The following BRINP1 variants were observed in gnomAD, a reference collection of about 807,000 sequenced individuals.
BRINP1 encodes BMP/retinoic acid-inducible neural-specific protein 1.
BRINP1 carries 17 observed loss-of-function variants against 72.9 expected under a neutral mutation model. That is an observed-to-expected ratio of 0.23 (90% CI 0.16 to 0.35). BRINP1 has a LOEUF of 0.35. Ranked by LOEUF, BRINP1 falls within the 10% of genes least tolerant of loss-of-function variation. BRINP1 has a pLI of 1.00. For missense variants in BRINP1, 850 were observed against 1,001.6 expected (o/e 0.85, Z 2.04); for synonymous variants, 418 against 378.5 (o/e 1.10, Z -1.21).
rs368589451 is a variant in BRINP1 at position 119,305,763 on chromosome 9, G to A, written c.218+7375C>T. On this transcript the variant is annotated intron_variant, in intron 2 of 7. Coordinates refer to ENST00000265922, the MANE Select transcript of BRINP1 (RefSeq NM_014618.3). ...CATCTCTCAAGGCACATGACACTGT[G>A]GTTATTTGCCTTTCAGTCAGTCTCC... 7.9e-5 allele frequency among the ~76,000 whole-genome samples: 12 copies of A among 152,274 alleles called. No individual in the cohort carries two copies. The South Asian group carries it at 1.5e-3, about 18-fold the overall frequency.
chr9:119,174,236 C>G (rs1165341004), intron 7 of BRINP1, among the ~76,000 whole-genome samples: 14 of 150,118 alleles, frequency 9.3e-5, no homozygotes, highest in Admixed American at 7.9e-4. Context: ...GGGCTAATAT[C>G]CAGAATCTAC....
intron 1 of BRINP1, among the ~76,000 whole-genome samples, chr9:119,359,340 C>T (rs909395469): frequency 6.6e-6 from 1 of 152,152 alleles, no homozygotes; most frequent in African/African-American, 2.4e-5. Context: ...GGACTACAGG[C>T]ATATGCCACC....
At chr9:119,290,179 C>T (rs1425133428) in intron 2 of BRINP1, among the ~76,000 whole-genome samples, 5 of 152,140 alleles carry the variant, frequency 3.3e-5, no homozygotes, top group Non-Finnish European at 2.9e-5. Context: ...AAAACTGCAA[C>T]TGAAAAAGGT....
intron 2 of BRINP1, among the ~76,000 whole-genome samples, chr9:119,276,226 A>G (rs2118956827): frequency 6.6e-6 from 1 of 152,322 alleles, no homozygotes; most frequent in Middle Eastern, 3.4e-3. Context: ...AGTATATATC[A>G]TATTTCCTAA....
rs190706608 is a variant in BRINP1 at position 119,264,756 on chromosome 9, C to T, written c.219-15606G>A. On this transcript the variant is annotated intron_variant, in intron 2 of 7. Coordinates refer to ENST00000265922, the MANE Select transcript of BRINP1 (RefSeq NM_014618.3). The stretch of plus-strand genomic sequence containing the variant: ...CTCCATCTCAGCTCACTGCAACCTC[C>T]GCCTCCCGGGTTCAAACAATTCTCT... Among the ~76,000 whole-genome samples the T allele has an allele frequency of 5.3e-5, 8 of 152,272 alleles. No homozygotes were observed. The East Asian group carries it at 1.5e-3, about 29-fold the overall frequency.
At chr9:119,251,852 G>A (rs1830392952) in intron 2 of BRINP1, among the ~76,000 whole-genome samples, 1 of 152,070 alleles carries the variant, frequency 6.6e-6, no homozygotes, top group Non-Finnish European at 1.5e-5. Context: ...CGGGCCCAGG[G>A]ACTCGTTTCT....
chr9:119,256,543 A>G (rs777930209), intron 2 of BRINP1, among the ~76,000 whole-genome samples: 3 of 152,246 alleles, frequency 2.0e-5, no homozygotes, highest in Non-Finnish European at 2.9e-5. Context: ...TGGAAGAGTT[A>G]GATGAAATAA....
intron 2 of BRINP1, among the ~76,000 whole-genome samples, chr9:119,254,745 G>T (rs1459049120): frequency 6.6e-6 from 1 of 152,184 alleles, no homozygotes; most frequent in East Asian, 1.9e-4. Flanking sequence ...TTCAGCCACA[G>T]GTACCTGTTG....
chr9:119,348,343 GTTTAT>G (rs1831469507), intron 1 of BRINP1, among the ~76,000 whole-genome samples: 1 of 152,150 alleles, frequency 6.6e-6, no homozygotes, highest in African/African-American at 2.4e-5. Flanking sequence ...AGATATCACA[GTTTAT>G]CAGTTTACCT....
chr9:119,331,873 C>A (rs934602146), intron 1 of BRINP1, among the ~76,000 whole-genome samples: 1 of 152,164 alleles, frequency 6.6e-6, no homozygotes, highest in East Asian at 1.9e-4. Context: ...CCAGACTTAC[C>A]GAATCATAAA....
intron 4 of BRINP1, among the ~76,000 whole-genome samples, chr9:119,241,192 A>G (rs552498159): frequency 4.6e-5 from 7 of 152,196 alleles, no homozygotes; most frequent in Non-Finnish European, 1.0e-4. Context: ...CTTGGTAGCC[A>G]TATTTTAGGT....
At chr9:119,211,594 C>A (rs917507604) in intron 6 of BRINP1, among the ~76,000 whole-genome samples, 1 of 152,160 alleles carries the variant, frequency 6.6e-6, no homozygotes, top group Non-Finnish European at 1.5e-5. Flanking sequence ...ATTTGGCCAC[C>A]CACACTCTGG....
At chr9:119,254,897 C>G (rs2118927540) in intron 2 of BRINP1, among the ~76,000 whole-genome samples, 1 of 152,312 alleles carries the variant, frequency 6.6e-6, no homozygotes, top group Admixed American at 6.5e-5. Context: ...AAAAGCTTCA[C>G]TCTAACTCCA....
At chr9:119,191,255 T>C (rs1464411313) in intron 7 of BRINP1, among the ~76,000 whole-genome samples, 3 of 151,870 alleles carry the variant, frequency 2.0e-5, no homozygotes, top group Non-Finnish European at 4.4e-5. Flanking sequence ...ACCACTTCTA[T>C]TCAATACAGT....
intron 3 of BRINP1, among the ~76,000 whole-genome samples, 188 bp downstream of exon 3, chr9:119,248,772 A>G (rs1227931493): frequency 6.6e-6 from 1 of 152,190 alleles, no homozygotes; most frequent in Non-Finnish European, 1.5e-5. Flanking sequence ...GTCCCATAGA[A>G]CTGAATCACC....
intron 1 of BRINP1, among the ~76,000 whole-genome samples, chr9:119,356,290 C>T (rs990634165): frequency 1.3e-5 from 2 of 152,320 alleles, no homozygotes; most frequent in South Asian, 4.1e-4. Flanking sequence ...ATATAAAATA[C>T]CAAGTCCTCT....
intron 7 of BRINP1, among the ~76,000 whole-genome samples, chr9:119,199,147 A>T (rs1296942871): frequency 1.3e-5 from 2 of 152,188 alleles, no homozygotes; most frequent in Non-Finnish European, 1.5e-5. Flanking sequence ...TGGAGGTCAC[A>T]CATCTAATAA....
chr9:119,229,565 G>A (rs984110911), intron 5 of BRINP1, among the ~76,000 whole-genome samples: 2 of 152,062 alleles, frequency 1.3e-5, no homozygotes, highest in Non-Finnish European at 1.5e-5. Flanking sequence ...TAATGTAGAA[G>A]GTCAGAGAAG....
intron 2 of BRINP1, among the ~76,000 whole-genome samples, chr9:119,305,409 T>C (rs1288433533): frequency 6.6e-6 from 1 of 152,218 alleles, no homozygotes; most frequent in Non-Finnish European, 1.5e-5. Flanking sequence ...ATCCATGTGC[T>C]ATCTCAAATT....
Sources: gnomAD v4.1 joint callset for allele counts (sites outside exome capture counted in the v4.1 genomes callset) on GRCh38, gnomAD v4.1.1 for gene constraint, MANE v1.5 for transcripts, NCBI Gene and HGNC (gene_info 2026-07-23, HGNC 2026-07-21) for gene names.